CENPL: variants seen among roughly 807,000 people sequenced by gnomAD.
CENPL encodes the protein centromere protein L.
Under a neutral mutation model 35.2 loss-of-function variants are expected in CENPL, and 20 were observed. The ratio of observed to expected loss-of-function variants is 0.57; its 90% CI spans 0.40 to 0.83. CENPL has a LOEUF of 0.83. Ranked by LOEUF, CENPL falls within the 40% of genes least tolerant of loss-of-function variation. CENPL has a pLI of 0.00. For missense variants in CENPL, 363 were observed against 395.8 expected (o/e 0.92, Z 0.70); for synonymous variants, 140 against 140.6 (o/e 1.00, Z 0.03).
intron 4 of CENPL, chr1:173,806,511 G>C (rs545022441): frequency 9.5e-5 from 42 of 441,374 alleles, no homozygotes; most frequent in African/African-American, 7.3e-4. Flanking sequence ...TTGAGCCCAG[G>C]AGACAGAGGT....
chr1:173,807,721 C>T (rs543236401), intron 3 of CENPL, among the ~76,000 whole-genome samples: 1 of 152,286 alleles, frequency 6.6e-6, no homozygotes, highest in South Asian at 2.1e-4. Flanking sequence ...GCTCTTCTCC[C>T]AAGTGTTCAC....
rs970498204 is a variant in CENPL, at chr1:173,824,637, C to T, written c.-527G>A. ...CACCTCACCACTGATTCGTTGAATTCCTTCCCGGTAATCTTGGGCACTAGC... is the reference window on the plus strand; with the variant it reads ...CACCTCACCACTGATTCGTTGAATTTCTTCCCGGTAATCTTGGGCACTAGC... On this transcript the variant is annotated 5_prime_UTR_variant, in exon 1 of 6. Transcript: ENST00000682279. 1 of 159,676 alleles carries T rather than the reference C, an allele frequency of 6.3e-6. No homozygotes were observed. Among genetic ancestry groups the T allele is most frequent in the African/African-American group, 2.4e-5 (1 of 41,496 alleles). 9.9% of individuals were successfully genotyped at this position (159,676 alleles called of 1,614,324 possible).
At chr1:173,818,963 G>A (rs1290558341) in intron 2 of CENPL, among the ~76,000 whole-genome samples, 1 of 152,202 alleles carries the variant, frequency 6.6e-6, no homozygotes, top group Non-Finnish European at 1.5e-5. Flanking sequence ...GGCCGGGCAT[G>A]GTAGCTCATG....
intron 2 of CENPL, among the ~76,000 whole-genome samples, chr1:173,816,213 G>A (rs1313713596): frequency 1.3e-5 from 2 of 152,192 alleles, no homozygotes; most frequent in Non-Finnish European, 2.9e-5. Flanking sequence ...AACATTCCAT[G>A]CTCATGGATA....
intron 2 of CENPL, among the ~76,000 whole-genome samples, chr1:173,816,339 A>T (rs2102602474): frequency 6.6e-6 from 1 of 152,316 alleles, no homozygotes. Flanking sequence ...ACTACTTTAA[A>T]GTTCATACGG....
In CENPL at chr1:173,803,229, A is replaced by AATGGTCC; in HGVS notation, c.690_696dup (p.Tyr233GlyfsTer8). ...CAAAGAAATTCAGTAGTAGCCACAT[A>AATGGTCC]ATGGTCCATTTTGCATGCAGTCCAC... On this transcript the variant is annotated frameshift_variant, in exon 5 of 6. Coordinates refer to ENST00000682279, the MANE Select transcript of CENPL (RefSeq NM_001387287.1). LOFTEE classifies it high-confidence loss of function. 6.2e-7 allele frequency: 1 copy of AATGGTCC among 1,613,988 alleles called. No individual in the cohort carries two copies. The highest frequency in any genetic ancestry group is 8.5e-7 in the Non-Finnish European group (1 of 1,179,830).
chr1:173,822,326 T>A (rs1557850371), intron 2 of CENPL: 1 of 152,240 alleles, frequency 6.6e-6, no homozygotes, highest in Non-Finnish European at 1.5e-5. Flanking sequence ...CATTCCATTT[T>A]TTAGGGGCTT....
chr1:173,801,947 T>C (rs1273419497), intron 5 of CENPL, among the ~76,000 whole-genome samples: 2 of 150,360 alleles, frequency 1.3e-5, no homozygotes, highest in Non-Finnish European at 3.0e-5. Context: ...CGCTTGAGCC[T>C]AGGAGGCAGA....
intron 2 of CENPL, among the ~76,000 whole-genome samples, chr1:173,812,689 C>G (rs1025394751): frequency 6.6e-6 from 1 of 152,132 alleles, no homozygotes; most frequent in Non-Finnish European, 1.5e-5. Context: ...CATCAAACAC[C>G]AAAGGTAGAT....
chr1:173,816,701 G>A (rs1036089188), intron 2 of CENPL, among the ~76,000 whole-genome samples: 4 of 152,094 alleles, frequency 2.6e-5, no homozygotes, highest in Admixed American at 2.6e-4. Context: ...GATTAAAGAT[G>A]TAAATGTTAG....
intron 3 of CENPL, among the ~76,000 whole-genome samples, chr1:173,810,691 C>T (rs530399709): frequency 2.0e-5 from 3 of 152,214 alleles, no homozygotes; most frequent in East Asian, 1.9e-4. Context: ...GAGGCTGAGG[C>T]GGGCAGATCA....
At position 173,802,014 on chromosome 1, in the gene CENPL, T is replaced by C. The variant is rs535645433; in HGVS notation, c.963+949A>G. Among the ~76,000 whole-genome samples the C allele has an allele frequency of 2.2e-3, 331 of 147,228 alleles. 2 individuals carry two copies. The highest frequency in any genetic ancestry group is 1.9e-3 in the South Asian group (9 of 4,782). On this transcript the variant is annotated intron_variant, in intron 5 of 5. Transcript: ENST00000682279. ...CTCCAGCCTGGGTGATGGGGTGAGA[T>C]TCTGTCTCAAAAAAAAAAACAAAAA...
intron 3 of CENPL, chr1:173,808,683 A>G (rs2102579651): frequency 6.6e-6 from 1 of 152,080 alleles, no homozygotes; most frequent in Admixed American, 6.5e-5. Flanking sequence ...AACCACAGGT[A>G]CGATTAAAAA....
rs765279924 is a variant in CENPL, at chr1:173,800,424, A to G, written c.*24T>C. The G allele has an allele frequency of 1.0e-6, 1 of 985,800 alleles. No individual in the cohort carries two copies. Among genetic ancestry groups the G allele is most frequent in the Non-Finnish European group, 1.6e-6 (1 of 621,504 alleles). The allele number at this position is 985,800 out of a possible 1,614,324, so 61.1% of individuals were successfully genotyped here. A position where few individuals can be genotyped will look rare whatever the true frequency, so the allele number is the denominator to read the frequency against. ...AGTTATCAATAAGAGTATATAATCT[A>G]TAACTTATAGTCCACATAAGGCTTC... On this transcript the variant is annotated 3_prime_UTR_variant, in exon 6 of 6. Coordinates refer to ENST00000682279, the MANE Select transcript of CENPL (RefSeq NM_001387287.1).
At chr1:173,808,388 T>G (rs1055254749) in intron 3 of CENPL, 7 of 151,554 alleles carry the variant, frequency 4.6e-5, no homozygotes, top group Non-Finnish European at 1.0e-4. Flanking sequence ...CCAGCCTGGG[T>G]GGCAGAGCGA....
Position 173,807,334 on chromosome 1 carries a change from T to C in CENPL, c.353A>G (p.Lys118Arg), listed in dbSNP as rs781432131. The C allele has an allele frequency of 9.9e-6, 16 of 1,613,628 alleles. No individual in the cohort carries two copies. The East Asian group carries it at 2.7e-4, about 27-fold the overall frequency. ...AVEVGEDFNIKVIFSTLLGMK... is the reference protein window; with the variant it reads ...AVEVGEDFNIRVIFSTLLGMK... ...TCCTAGGAGAGTAGAAAAAATCACT[T>C]TGATGTTGAAGTCTTCTCCCACTTC... Residue 118 changes from lysine (K) to arginine (R), a missense_variant, in exon 4 of 6, where the codon AAA becomes AGA. Coordinates refer to ENST00000682279, the MANE Select transcript of CENPL (RefSeq NM_001387287.1).
At chr1:173,809,644 G>A (rs1650611364) in intron 3 of CENPL, among the ~76,000 whole-genome samples, 1 of 147,284 alleles carries the variant, frequency 6.8e-6, no homozygotes, top group Non-Finnish European at 1.5e-5. Context: ...CCATTAAAAA[G>A]TCAGCAAAGG....
intron 2 of CENPL, chr1:173,822,600 CT>C (rs375288465): frequency 6.6e-6 from 1 of 152,284 alleles, no homozygotes; most frequent in African/African-American, 2.4e-5. Context: ...CTACTGTACT[CT>C]GTTTTGCTCA....
At position 173,807,508 on chromosome 1, in the gene CENPL, T is replaced by C. The variant is rs1391937983; in HGVS notation, c.179A>G (p.Asp60Gly). Residue 60 changes from aspartate (D) to glycine (G), a missense_variant, in exon 4 of 6, where the codon GAC becomes GGC. Transcript: ENST00000682279. ...CAGAAGGAATGCAACCTTTTGAGGG[T>C]CAACATCTTCCTATAAAAAAAAATC... ...PQCSQLQEDV[D>G]PQKVAFLLHK... The C allele has an allele frequency of 2.7e-6, 4 of 1,470,390 alleles. No homozygotes were observed. The South Asian group carries it at 6.2e-5, about 23-fold the overall frequency. The allele number at this position is 1,470,390 out of a possible 1,614,324, so 91.1% of individuals were successfully genotyped here.
Sources: gnomAD v4.1 joint callset for allele counts (sites outside exome capture counted in the v4.1 genomes callset) on GRCh38, gnomAD v4.1.1 for gene constraint, MANE v1.5 for transcripts, NCBI Gene and HGNC (gene_info 2026-07-23, HGNC 2026-07-21) for gene names.